Variants in PANX1 observed in about 807,000 individuals in gnomAD.
PANX1 encodes the protein pannexin 1, also known as pannexin-1.
A neutral mutation model predicts 38.7 loss-of-function variants in PANX1; 30 were observed. The ratio of observed to expected loss-of-function variants is 0.78; its 90% CI spans 0.58 to 1.05. The LOEUF (loss-of-function observed/expected upper bound fraction) is 1.05. Among genes scored for constraint, PANX1 ranks in the 50% least tolerant of loss-of-function variants. The pLI, the probability that PANX1 is intolerant of heterozygous loss-of-function variation, is 0.00. For synonymous variants in PANX1, 230 were observed against 212.2 expected, an observed-to-expected ratio of 1.08 and a Z score of -0.73; for missense variants, 551 against 517.2, an observed-to-expected ratio of 1.07 and a Z score of -0.63.
rs932278139 is a variant in PANX1, at chr11:94,157,823, A to G, written c.321+4193A>G. 2.1e-4 allele frequency among the ~76,000 whole-genome samples: 32 copies of G among 152,140 alleles called. 2 individuals carry two copies. Among genetic ancestry groups the G allele is most frequent in the Non-Finnish European group, 1.2e-4 (8 of 68,010 alleles). ...AGACATGAAGTCCTTGCCCATGCCTATGTCCTGAATGGTATTGCCTAGGTT... is the reference window on the plus strand; with the variant it reads ...AGACATGAAGTCCTTGCCCATGCCTGTGTCCTGAATGGTATTGCCTAGGTT... On this transcript the variant is annotated intron_variant, in intron 2 of 4. Coordinates refer to ENST00000227638, the MANE Select transcript of PANX1 (RefSeq NM_015368.4).
At chr11:94,154,970 G>A (rs1376920414) in intron 2 of PANX1, among the ~76,000 whole-genome samples, 1 of 152,174 alleles carries the variant, frequency 6.6e-6, no homozygotes. Flanking sequence ...TGCAAGGTGG[G>A]TGAGGTGGGC....
At chr11:94,157,539 T>C (rs1487909975) in intron 2 of PANX1, among the ~76,000 whole-genome samples, 1 of 152,230 alleles carries the variant, frequency 6.6e-6, no homozygotes, top group African/African-American at 2.4e-5. Flanking sequence ...TGTCTTCTTT[T>C]GAGAAGTGTC....
At chr11:94,166,064 C>T (rs917536326) in intron 2 of PANX1, among the ~76,000 whole-genome samples, 1 of 152,080 alleles carries the variant, frequency 6.6e-6, no homozygotes, top group African/African-American at 2.4e-5. Context: ...AACTTCATCC[C>T]CCCCTCGCTT....
intron 2 of PANX1, among the ~76,000 whole-genome samples, chr11:94,160,764 C>T (rs1307581409): frequency 1.3e-5 from 2 of 152,130 alleles, no homozygotes; most frequent in Non-Finnish European, 2.9e-5. Context: ...GTGATCCTGT[C>T]ATTATGATGT....
chr11:94,150,670 T>G (rs1358920692), intron 1 of PANX1, among the ~76,000 whole-genome samples: 2 of 152,078 alleles, frequency 1.3e-5, no homozygotes, highest in African/African-American at 4.8e-5. Flanking sequence ...TTTGCCCCCC[T>G]CTTCACTCCT....
chr11:94,171,557 G>A (rs1341968757), intron 2 of PANX1, among the ~76,000 whole-genome samples: 1 of 151,562 alleles, frequency 6.6e-6, no homozygotes, highest in East Asian at 1.9e-4. Flanking sequence ...ACCAGACTTG[G>A]TTCTCCAGGA....
chr11:94,129,566 A>G, intron 1 of PANX1, 73 bp downstream of exon 1: 2 of 1,370,394 alleles, frequency 1.5e-6, no homozygotes, highest in African/African-American at 1.4e-5. Context: ...TACGGCTCAC[A>G]GGCCCGAGTC....
chr11:94,173,992 G>C (rs1397396526), intron 2 of PANX1, among the ~76,000 whole-genome samples: 1 of 151,472 alleles, frequency 6.6e-6, no homozygotes, highest in Non-Finnish European at 1.5e-5. Flanking sequence ...CTTTCTTCTA[G>C]TTCCTGGTGG....
At chr11:94,180,392 G>A in intron 4 of PANX1, 135 bp downstream of exon 4, 1 of 715,922 alleles carries the variant, frequency 1.4e-6, no homozygotes, top group Non-Finnish European at 2.3e-6. Context: ...ATACCAAGGT[G>A]CGGGGTAGGG....
intron 3 of PANX1, among the ~76,000 whole-genome samples, 182 bp from the exon 4 acceptor site, chr11:94,179,420 A>G (rs1947275784): frequency 1.3e-5 from 2 of 152,222 alleles, no homozygotes; most frequent in Admixed American, 1.3e-4. Flanking sequence ...GGGGAAAAGC[A>G]TTTTATTATT....
chr11:94,140,098 A>G (rs184244275), intron 1 of PANX1, among the ~76,000 whole-genome samples: 1 of 152,316 alleles, frequency 6.6e-6, no homozygotes, highest in African/African-American at 2.4e-5. Flanking sequence ...CAACTTCCAG[A>G]TCGGTTCAGA....
chr11:94,178,734 G>C, intron 3 of PANX1, 142 bp downstream of exon 3: 1 of 643,438 alleles, frequency 1.6e-6, no homozygotes. Flanking sequence ...CCTAGTGACA[G>C]CCTGTAGTAT....
intron 2 of PANX1, among the ~76,000 whole-genome samples, chr11:94,173,701 G>T (rs1037809737): frequency 6.6e-6 from 1 of 151,446 alleles, no homozygotes; most frequent in Non-Finnish European, 1.5e-5. Context: ...CCTCCTGCCT[G>T]GTCTCTCTCC....
chr11:94,153,373 T>C (rs1946908011), intron 1 of PANX1, 118 bp from the exon 2 acceptor site: 1 of 988,762 alleles, frequency 1.0e-6, no homozygotes, highest in Non-Finnish European at 1.5e-6. Flanking sequence ...TCTGTCCTAA[T>C]GTCTCCACCT....
intron 1 of PANX1, among the ~76,000 whole-genome samples, chr11:94,131,500 T>C (rs1946629160): frequency 6.6e-6 from 1 of 152,216 alleles, no homozygotes; most frequent in Non-Finnish European, 1.5e-5. Context: ...CTAGAAGGTA[T>C]CTGTTAGCAG....
At chr11:94,162,041 G>A (rs571467442) in intron 2 of PANX1, among the ~76,000 whole-genome samples, 1 of 152,174 alleles carries the variant, frequency 6.6e-6, no homozygotes, top group Admixed American at 6.5e-5. Flanking sequence ...GCAGATACTG[G>A]TGAGCAGCAA....
intron 2 of PANX1, among the ~76,000 whole-genome samples, chr11:94,174,726 A>T (rs542641712): frequency 1.3e-5 from 2 of 151,792 alleles, no homozygotes; most frequent in Non-Finnish European, 2.9e-5. Context: ...ACCCATCTGC[A>T]CTTAATCCCC....
chr11:94,156,124 T>C (rs1203447697), intron 2 of PANX1, among the ~76,000 whole-genome samples: 3 of 152,154 alleles, frequency 2.0e-5, no homozygotes, highest in African/African-American at 7.2e-5. Context: ...CTGAAAGATT[T>C]TTTATCCAGA....
chr11:94,160,408 C>A (rs996864688), intron 2 of PANX1, among the ~76,000 whole-genome samples: 2 of 152,094 alleles, frequency 1.3e-5, no homozygotes, highest in African/African-American at 4.8e-5. Context: ...TCTGGGGGCT[C>A]CTGTATTGGG....
Sources: allele counts gnomAD v4.1 joint callset (sites outside exome capture counted in the v4.1 genomes callset), GRCh38; gene constraint gnomAD v4.1.1; transcripts MANE v1.5; gene names NCBI Gene and HGNC (gene_info 2026-07-23, HGNC 2026-07-21).